KCNB2: variants seen among roughly 807,000 people sequenced by gnomAD.
KCNB2 encodes potassium voltage-gated channel subfamily B member 2, also known as delayed rectifier potassium channel protein.
Under a neutral mutation model 61.5 loss-of-function variants are expected in KCNB2, and 15 were observed. That is an observed-to-expected ratio of 0.24 (90% CI 0.16 to 0.38). The LOEUF (loss-of-function observed/expected upper bound fraction) is 0.38. Ranked by LOEUF, KCNB2 falls within the 10% of genes least tolerant of loss-of-function variation. The probability of loss-of-function intolerance (pLI) is 1.00; values close to 1 mark genes in which losing one functional copy is unlikely to be tolerated. For missense variants in KCNB2, 828 were observed against 1,125.2 expected (o/e 0.74, Z 3.78); for synonymous variants, 457 against 446.0 (o/e 1.02, Z -0.31).
At chr8:72,907,742 C>T (rs1298793223) in intron 2 of KCNB2, among the ~76,000 whole-genome samples, 4 of 152,148 alleles carry the variant, frequency 2.6e-5, no homozygotes, top group Admixed American at 2.0e-4. Context: ...CTCTATGTCC[C>T]TATGTTTAGT....
At chr8:72,848,569 T>G (rs1247376591) in intron 2 of KCNB2, among the ~76,000 whole-genome samples, 3 of 152,208 alleles carry the variant, frequency 2.0e-5, no homozygotes, top group Admixed American at 2.0e-4. Context: ...ATTCTGTTAC[T>G]TTTCTTGTCT....
At chr8:72,549,309 A>G (rs1209906297) in intron 1 of KCNB2, among the ~76,000 whole-genome samples, 1 of 152,202 alleles carries the variant, frequency 6.6e-6, no homozygotes, top group African/African-American at 2.4e-5. Flanking sequence ...TGTTAGGATA[A>G]TGCTAGCTCA....
chr8:72,895,680 A>T (rs190305589), intron 2 of KCNB2, among the ~76,000 whole-genome samples: 142 of 152,302 alleles, frequency 9.3e-4, no homozygotes, highest in African/African-American at 3.3e-3. Context: ...ATGAGAGACG[A>T]ACATAAAGTC....
chr8:72,844,342 C>A (rs1167111738), intron 2 of KCNB2, among the ~76,000 whole-genome samples: 6 of 152,188 alleles, frequency 3.9e-5, no homozygotes, highest in Admixed American at 6.5e-5. Flanking sequence ...TGTGGGTAAC[C>A]TGACCTTTCT....
chr8:72,845,744 G>A (rs1809978912), intron 2 of KCNB2, among the ~76,000 whole-genome samples: 1 of 150,660 alleles, frequency 6.6e-6, no homozygotes, highest in Non-Finnish European at 1.5e-5. Context: ...ACCGTGAGGG[G>A]AAAATCACCT....
At chr8:72,926,866 C>T (rs544350283) in intron 2 of KCNB2, among the ~76,000 whole-genome samples, 1 of 152,300 alleles carries the variant, frequency 6.6e-6, no homozygotes, top group East Asian at 1.9e-4. Flanking sequence ...CGCCCCCCAT[C>T]AGTCCTATGC....
chr8:72,855,832 C>G (rs1810198009), intron 2 of KCNB2, among the ~76,000 whole-genome samples: 1 of 152,126 alleles, frequency 6.6e-6, no homozygotes, highest in Non-Finnish European at 1.5e-5. Context: ...GGACCTCCCA[C>G]GGATACCACA....
chr8:72,779,255 A>G (rs1415728930), intron 2 of KCNB2, among the ~76,000 whole-genome samples: 2 of 152,214 alleles, frequency 1.3e-5, no homozygotes, highest in African/African-American at 2.4e-5. Flanking sequence ...TCTCTATCCT[A>G]TGGTGCAGTC....
intron 1 of KCNB2, among the ~76,000 whole-genome samples, chr8:72,544,276 C>T (rs1413630199): frequency 6.6e-6 from 1 of 151,980 alleles, no homozygotes; most frequent in Non-Finnish European, 1.5e-5. Context: ...TGATGGGAGA[C>T]GAGGCTGAAG....
rs2129009578 is a variant in KCNB2, at chr8:72,937,557, C to T, written c.2202C>T (p.Ala734=). 1 of 1,614,016 alleles carries T rather than the reference C, an allele frequency of 6.2e-7. No individual in the cohort carries two copies. Among genetic ancestry groups the T allele is most frequent in the East Asian group, 2.2e-5 (1 of 44,850 alleles). The change falls in exon 3 of 3, where the codon GCC becomes GCT. Residue 734 remains alanine, a synonymous_variant. Coordinates refer to ENST00000523207, the MANE Select transcript of KCNB2 (RefSeq NM_004770.3). ...GSAPQTPPST[A]RPLPVTTADF... ...CACCACAGACCCCGCCCAGCACAGC[C>T]AGGCCACTGCCAGTCACCACAGCTG...
rs199866645 is a variant in KCNB2, at chr8:72,575,603, TA to T, written c.579+7293del. Among the ~76,000 whole-genome samples the T allele has an allele frequency of 6.1e-4, 93 of 152,284 alleles. No homozygotes were observed. The East Asian group carries it at 0.013, about 21-fold the overall frequency. On this transcript the variant is annotated intron_variant, in intron 2 of 2. Transcript: ENST00000523207. ...AAATATTGAATATTTTATTGAATGC[TA>T]AATATTGCATAAATTGAGTCATGGA...
chr8:72,766,497 C>T (rs1165982761), intron 2 of KCNB2, among the ~76,000 whole-genome samples: 1 of 152,144 alleles, frequency 6.6e-6, no homozygotes, highest in Non-Finnish European at 1.5e-5. Context: ...CCTCAGGGTC[C>T]TTAATATATT....
intron 2 of KCNB2, among the ~76,000 whole-genome samples, chr8:72,917,403 A>AC (rs1806421638): frequency 1.3e-5 from 2 of 151,768 alleles, no homozygotes; most frequent in African/African-American, 4.8e-5. Flanking sequence ...AAAAAGGCAA[A>AC]GGAGACAATA....
At chr8:72,668,379 G>A (rs557358156) in intron 2 of KCNB2, among the ~76,000 whole-genome samples, 12 of 152,232 alleles carry the variant, frequency 7.9e-5, no homozygotes, top group African/African-American at 2.9e-4. Context: ...CTCTAGTGTG[G>A]ATTATGGCCC....
intron 2 of KCNB2, among the ~76,000 whole-genome samples, chr8:72,852,056 G>T (rs1360276610): frequency 6.8e-6 from 1 of 146,072 alleles, no homozygotes; most frequent in African/African-American, 2.5e-5. Flanking sequence ...CCAGCAGAGG[G>T]AGACCCTGTT....
intron 2 of KCNB2, among the ~76,000 whole-genome samples, chr8:72,617,022 C>G (rs1805630275): frequency 6.6e-6 from 1 of 152,162 alleles, no homozygotes; most frequent in African/African-American, 2.4e-5. Context: ...AGCCAGGTGT[C>G]TGCTCAATTG....
chr8:72,669,251 T>C (rs1209929360), intron 2 of KCNB2, among the ~76,000 whole-genome samples: 1 of 152,210 alleles, frequency 6.6e-6, no homozygotes, highest in African/African-American at 2.4e-5. Flanking sequence ...CTCCATTTGC[T>C]TTGTGAATTG....
chr8:72,664,168 CTT>C (rs1240362858), intron 2 of KCNB2, among the ~76,000 whole-genome samples: 4 of 152,184 alleles, frequency 2.6e-5, no homozygotes, highest in African/African-American at 9.7e-5. Flanking sequence ...ACCGGCCTGT[CTT>C]TGTCCAGCGG....
At chr8:72,754,975 G>A (rs1280877168) in intron 2 of KCNB2, among the ~76,000 whole-genome samples, 2 of 152,102 alleles carry the variant, frequency 1.3e-5, no homozygotes, top group African/African-American at 4.8e-5. Flanking sequence ...CACACCACCT[G>A]AGCCAGATGA....
Sources: gnomAD v4.1 joint callset for allele counts (sites outside exome capture counted in the v4.1 genomes callset) on GRCh38, gnomAD v4.1.1 for gene constraint, MANE v1.5 for transcripts, NCBI Gene and HGNC (gene_info 2026-07-23, HGNC 2026-07-21) for gene names.